PCDH15: variants seen among roughly 807,000 people sequenced by gnomAD.
PCDH15 encodes protocadherin related 15.
Under a neutral mutation model 178.5 loss-of-function variants are expected in PCDH15, and 129 were observed. The observed-to-expected ratio is 0.72, with a 90% CI of 0.63 to 0.84. The LOEUF (loss-of-function observed/expected upper bound fraction) is 0.84. PCDH15 is among the 40% of genes least tolerant of loss of function. PCDH15 has a pLI of 0.00. For missense variants in PCDH15, 2,230 were observed against 2,099.9 expected (o/e 1.06, Z -1.21); for synonymous variants, 800 against 732.0 (o/e 1.09, Z -1.50).
intron 2 of PCDH15, among the ~76,000 whole-genome samples, chr10:55,597,603 C>G (rs1476379373): frequency 6.6e-6 from 1 of 152,090 alleles, no homozygotes; most frequent in African/African-American, 2.4e-5. Flanking sequence ...TCAAGCATCC[C>G]TCTCTGAAAA....
intron 2 of PCDH15, among the ~76,000 whole-genome samples, chr10:54,548,537 T>C (rs986922680): frequency 6.9e-6 from 1 of 145,198 alleles, no homozygotes; most frequent in Non-Finnish European, 1.5e-5. Context: ...TACCTTTATA[T>C]ATATATGTAT....
intron 28 of PCDH15, among the ~76,000 whole-genome samples, chr10:53,851,634 T>C (rs1488689029): frequency 6.9e-6 from 1 of 143,926 alleles, no homozygotes; most frequent in African/African-American, 2.5e-5. Context: ...GTTTCATAGG[T>C]ATGCTTCCCG....
At chr10:55,283,213 C>G (rs1367700710) in intron 1 of PCDH15, among the ~76,000 whole-genome samples, 1 of 152,046 alleles carries the variant, frequency 6.6e-6, no homozygotes, top group East Asian at 1.9e-4. Context: ...GCTGGCACCA[C>G]CCAGTTCAAT....
intron 20 of PCDH15, among the ~76,000 whole-genome samples, chr10:53,997,149 TA>T (rs1330893676): frequency 2.0e-5 from 3 of 152,026 alleles, no homozygotes; most frequent in Non-Finnish European, 4.4e-5. Context: ...AACTGAAAAA[TA>T]AAAAATATCA....
At chr10:54,925,372 T>A (rs1276386744) in intron 2 of PCDH15, among the ~76,000 whole-genome samples, 1 of 152,180 alleles carries the variant, frequency 6.6e-6, no homozygotes, top group East Asian at 1.9e-4. Context: ...TAAAGTTAGG[T>A]AGTATAATGC....
intron 16 of PCDH15, among the ~76,000 whole-genome samples, chr10:54,087,057 G>A (rs553445631): frequency 6.6e-6 from 1 of 152,210 alleles, no homozygotes; most frequent in East Asian, 1.9e-4. Flanking sequence ...TGGCATCAAG[G>A]GAAAAACAGG....
intron 2 of PCDH15, among the ~76,000 whole-genome samples, chr10:55,143,194 A>C (rs1192298279): frequency 4.3e-5 from 2 of 46,052 alleles, no homozygotes; most frequent in Non-Finnish European, 1.0e-4. Context: ...ACTCTGAGTC[A>C]ATTAAACCTT....
At chr10:54,425,770 C>T (rs1287054108) in intron 3 of PCDH15, among the ~76,000 whole-genome samples, 3 of 152,144 alleles carry the variant, frequency 2.0e-5, no homozygotes, top group Non-Finnish European at 4.4e-5. Flanking sequence ...TTTCTGGTTA[C>T]AGCTCAGTAA....
intron 2 of PCDH15, among the ~76,000 whole-genome samples, chr10:55,387,568 A>G (rs189665012): frequency 4.3e-4 from 65 of 152,266 alleles, no homozygotes; most frequent in African/African-American, 1.6e-3. Flanking sequence ...CTCTTTCTGA[A>G]ATGTGACAGC....
chr10:55,421,284 T>G (rs1838614867), intron 2 of PCDH15, among the ~76,000 whole-genome samples: 2 of 151,278 alleles, frequency 1.3e-5, no homozygotes, highest in Non-Finnish European at 3.0e-5. Context: ...AAAAATTAAA[T>G]CAATTTAAAA....
chr10:55,164,074 G>A (rs1345782997), intron 2 of PCDH15, among the ~76,000 whole-genome samples: 3 of 152,136 alleles, frequency 2.0e-5, no homozygotes, highest in Non-Finnish European at 4.4e-5. Context: ...CCTTCCTGTT[G>A]TCAACGGTGA....
Position 55,517,118 on chromosome 10 carries a change from T to TGAAAAAAA in PCDH15, c.-156+110499_-156+110506dup, listed in dbSNP as rs1399789259. ...AGATAAAGAATATAAATAAAGAGGT[T>TGAAAAAAA]GAAAAAAAGTAATTTAACATGATTT... is the stretch of plus-strand genomic sequence containing the variant. On this transcript the variant is annotated intron_variant, in intron 2 of 5. Transcript: ENST00000613346. Among the ~76,000 whole-genome samples the TGAAAAAAA allele has an allele frequency of 2.0e-5, 3 of 151,952 alleles. No individual in the cohort carries two copies. In the East Asian group the frequency reaches 5.8e-4, roughly 29 times the overall value.
intron 19 of PCDH15, among the ~76,000 whole-genome samples, chr10:54,021,372 T>G (rs532350323): frequency 2.0e-5 from 3 of 152,174 alleles, no homozygotes; most frequent in Admixed American, 2.0e-4. Flanking sequence ...AATCAATTAT[T>G]GACTTAACAA....
chr10:55,320,016 C>A (rs1014779897), upstream of PCDH15, among the ~76,000 whole-genome samples: 39 of 152,202 alleles, frequency 2.6e-4, no homozygotes, highest in Admixed American at 5.2e-4. Flanking sequence ...AGGGCCCCAG[C>A]CTGGCCACAC....
At chr10:54,804,948 T>TAC (rs1554800522), upstream of PCDH15, among the ~76,000 whole-genome samples, 7 of 127,242 alleles carry the variant, frequency 5.5e-5, 1 homozygote, top group Non-Finnish European at 1.0e-4. Flanking sequence ...TATATATATA[T>TAC]ACAGAGTTTG....
intron 20 of PCDH15, among the ~76,000 whole-genome samples, chr10:53,998,702 T>G (rs371947244): frequency 2.8e-4 from 42 of 152,278 alleles, no homozygotes; most frequent in African/African-American, 9.9e-4. Context: ...AGAACAGTTT[T>G]TATTTAGAAG....
chr10:55,460,271 T>C (rs1839645670), intron 2 of PCDH15, among the ~76,000 whole-genome samples: 1 of 151,758 alleles, frequency 6.6e-6, no homozygotes, highest in Admixed American at 6.6e-5. Flanking sequence ...ATATTACTCT[T>C]ATATTATTAT....
intron 2 of PCDH15, among the ~76,000 whole-genome samples, chr10:55,544,034 T>C (rs1841820672): frequency 6.7e-6 from 1 of 150,280 alleles, no homozygotes; most frequent in Admixed American, 6.7e-5. Flanking sequence ...CTGTAGTTGA[T>C]GTAAACAACT....
chr10:54,999,212 C>G (rs1005564178), intron 2 of PCDH15, among the ~76,000 whole-genome samples: 1 of 152,138 alleles, frequency 6.6e-6, no homozygotes, highest in Admixed American at 6.5e-5. Flanking sequence ...ATTGATAGGA[C>G]AACCTAGCCA....
Sources: gnomAD v4.1 joint callset for allele counts (sites outside exome capture counted in the v4.1 genomes callset) on GRCh38, gnomAD v4.1.1 for gene constraint, MANE v1.5 for transcripts, NCBI Gene and HGNC (gene_info 2026-07-23, HGNC 2026-07-21) for gene names.